KCNIP4: variants seen among roughly 807,000 people sequenced by gnomAD.
KCNIP4 encodes the protein Kv channel-interacting protein 4.
Under a neutral mutation model 34.0 loss-of-function variants are expected in KCNIP4, and 12 were observed. The ratio of observed to expected loss-of-function variants is 0.35; its 90% CI spans 0.23 to 0.57. KCNIP4 has a LOEUF of 0.57. Among genes scored for constraint, KCNIP4 ranks in the 20% least tolerant of loss-of-function variants. KCNIP4 has a pLI of 0.83. For missense variants in KCNIP4, 238 were observed against 311.7 expected (o/e 0.76, Z 1.78); for synonymous variants, 124 against 102.2 (o/e 1.21, Z -1.29).
intron 1 of KCNIP4, among the ~76,000 whole-genome samples, chr4:21,469,974 C>T (rs1390915944): frequency 6.6e-5 from 10 of 152,166 alleles, no homozygotes; most frequent in East Asian, 3.9e-4. Context: ...TTGTGTTTTG[C>T]GCTTTTCTGT....
intron 1 of KCNIP4, among the ~76,000 whole-genome samples, chr4:21,816,082 G>T (rs1223192641): frequency 6.6e-6 from 1 of 152,048 alleles, no homozygotes. Flanking sequence ...ACAACTCTGG[G>T]ACATTTTTTC....
intron 1 of KCNIP4, among the ~76,000 whole-genome samples, chr4:21,267,005 C>T (rs752134799): frequency 2.6e-5 from 4 of 152,130 alleles, no homozygotes; most frequent in African/African-American, 9.7e-5. Flanking sequence ...AATGAGATGA[C>T]AGCTGCTATA....
intron 1 of KCNIP4, among the ~76,000 whole-genome samples, chr4:21,472,881 A>G (rs1209418506): frequency 1.3e-5 from 2 of 152,188 alleles, no homozygotes; most frequent in Non-Finnish European, 2.9e-5. Flanking sequence ...ATATTTATAA[A>G]TGCCTAGTAT....
At chr4:21,631,380 A>G (rs1745756262) in intron 1 of KCNIP4, among the ~76,000 whole-genome samples, 1 of 152,206 alleles carries the variant, frequency 6.6e-6, no homozygotes, top group Admixed American at 6.5e-5. Flanking sequence ...AATGGTAGTT[A>G]TGTAAACATT....
At chr4:21,847,708 G>C (rs1273725606) in intron 1 of KCNIP4, 2 of 151,918 alleles carry the variant, frequency 1.3e-5, no homozygotes, top group African/African-American at 4.8e-5. Flanking sequence ...TGTGCTCTTA[G>C]AATAGCTGTC....
rs548744076 is a variant in KCNIP4 at position 20,759,792 on chromosome 4, C to T, written c.289-902G>A. On this transcript the variant is annotated intron_variant, in intron 3 of 8. Transcript: ENST00000382152. ...GAACCAGTGTGGTTAAGAATTTAGGCGTAGAGGCCCCTTGAGTGGTGGAGA... is the reference window on the plus strand; with the variant it reads ...GAACCAGTGTGGTTAAGAATTTAGGTGTAGAGGCCCCTTGAGTGGTGGAGA... 1.1e-3 allele frequency among the ~76,000 whole-genome samples: 165 copies of T among 152,234 alleles called. 1 individual carries two copies. Among genetic ancestry groups the T allele is most frequent in the African/African-American group, 3.7e-3 (153 of 41,544 alleles).
At chr4:21,059,710 G>C (rs1743748486) in intron 1 of KCNIP4, among the ~76,000 whole-genome samples, 1 of 152,000 alleles carries the variant, frequency 6.6e-6, no homozygotes, top group Non-Finnish European at 1.5e-5. Flanking sequence ...AGAGAAATAA[G>C]CAGAAAATAA....
rs149434326 is a variant in KCNIP4 at position 21,864,185 on chromosome 4, A to T, written c.61+84386T>A. ...CACTTTCTCACTATGAGATGGCTAAACTGCTTAAATTCCATTTTTGCTGCG... is the reference window on the plus strand; with the variant it reads ...CACTTTCTCACTATGAGATGGCTAATCTGCTTAAATTCCATTTTTGCTGCG... On this transcript the variant is annotated intron_variant, in intron 1 of 8. Transcript: ENST00000382152. Among the ~76,000 whole-genome samples the T allele has an allele frequency of 7.5e-4, 115 of 152,352 alleles. 2 individuals carry two copies. In the East Asian group the frequency reaches 0.021, roughly 28 times the overall value.
intron 1 of KCNIP4, among the ~76,000 whole-genome samples, chr4:21,490,664 T>C (rs1233355612): frequency 2.6e-5 from 4 of 152,182 alleles, no homozygotes; most frequent in African/African-American, 9.6e-5. Flanking sequence ...ACACTATTCA[T>C]TTAATATCTG....
intron 1 of KCNIP4, among the ~76,000 whole-genome samples, chr4:20,987,876 C>T (rs1354743236): frequency 6.6e-6 from 1 of 151,400 alleles, no homozygotes; most frequent in Non-Finnish European, 1.5e-5. Flanking sequence ...TGGTGGGCGC[C>T]TGTAGTCCCA....
chr4:21,477,308 C>T (rs543527184), intron 1 of KCNIP4, among the ~76,000 whole-genome samples: 5 of 152,208 alleles, frequency 3.3e-5, no homozygotes, highest in Admixed American at 2.0e-4. Context: ...TGACAGACAC[C>T]GAAGCTTAGT....
chr4:21,343,748 C>G (rs535953130), intron 1 of KCNIP4, among the ~76,000 whole-genome samples: 1 of 152,018 alleles, frequency 6.6e-6, no homozygotes, highest in Admixed American at 6.6e-5. Context: ...TTTAAAGGTC[C>G]CCTGTAGATT....
chr4:21,691,040 CA>C lies in KCNIP4; in HGVS notation c.61+257530del, dbSNP rs1382586306. On this transcript the variant is annotated intron_variant, in intron 1 of 8. Transcript: ENST00000382152. ...ACAGATATGATTAGCTTGCTCATGC[CA>C]CTTTCAATATCTTTTGAGGGGAAGC... is the stretch of plus-strand genomic sequence containing the variant. 9.2e-5 allele frequency among the ~76,000 whole-genome samples: 14 copies of C among 152,194 alleles called. 1 individual carries two copies. Among genetic ancestry groups the C allele is most frequent in the Admixed American group, 9.2e-4 (14 of 15,282 alleles).
intron 1 of KCNIP4, among the ~76,000 whole-genome samples, chr4:21,371,685 T>G (rs1330769294): frequency 6.8e-6 from 1 of 147,238 alleles, no homozygotes. Flanking sequence ...CTGGAGAGGA[T>G]GTAAGAGATT....
At chr4:21,722,431 A>T (rs1018258517) in intron 1 of KCNIP4, among the ~76,000 whole-genome samples, 3 of 152,154 alleles carry the variant, frequency 2.0e-5, no homozygotes, top group Non-Finnish European at 4.4e-5. Flanking sequence ...TAGGAGAGAA[A>T]ACAAGGAAAT....
intron 1 of KCNIP4, among the ~76,000 whole-genome samples, chr4:21,356,971 A>C (rs539121434): frequency 6.6e-6 from 1 of 152,310 alleles, no homozygotes; most frequent in East Asian, 1.9e-4. Flanking sequence ...AAACAGATAT[A>C]TAGACCAATG....
chr4:21,536,354 T>C (rs1379903982), intron 1 of KCNIP4, among the ~76,000 whole-genome samples: 3 of 152,236 alleles, frequency 2.0e-5, no homozygotes, highest in African/African-American at 7.2e-5. Flanking sequence ...AATTCTGCTT[T>C]CTTAGTATTT....
intron 1 of KCNIP4, among the ~76,000 whole-genome samples, chr4:21,384,654 A>C (rs1721850112): frequency 6.6e-6 from 1 of 152,232 alleles, no homozygotes; most frequent in Admixed American, 6.5e-5. Context: ...AGTGAATCAG[A>C]AAGGACAGAA....
At chr4:21,336,206 T>A (rs1716164227) in intron 1 of KCNIP4, among the ~76,000 whole-genome samples, 1 of 152,130 alleles carries the variant, frequency 6.6e-6, no homozygotes, top group Non-Finnish European at 1.5e-5. Context: ...AACATTAAAT[T>A]TTTAATAAAC....
Sources: allele counts gnomAD v4.1 joint callset (sites outside exome capture counted in the v4.1 genomes callset), GRCh38; gene constraint gnomAD v4.1.1; transcripts MANE v1.5; gene names NCBI Gene and HGNC (gene_info 2026-07-23, HGNC 2026-07-21).